The following PCDH15 variants were observed in gnomAD, a reference collection of about 807,000 sequenced individuals.
PCDH15 encodes the protein protocadherin-15.
In PCDH15, 129 loss-of-function variants were observed where a neutral mutation model predicts 178.5. That is an observed-to-expected ratio of 0.72 (90% CI 0.63 to 0.84). The LOEUF is 0.84. Among genes scored for constraint, PCDH15 ranks in the 40% least tolerant of loss-of-function variants. PCDH15 has a pLI of 0.00. For missense variants in PCDH15, 2,230 were observed against 2,099.9 expected (o/e 1.06, Z -1.21); for synonymous variants, 800 against 732.0 (o/e 1.09, Z -1.50).
chr10:54,728,555 T>A (rs1300923126), intron 1 of PCDH15, among the ~76,000 whole-genome samples: 1 of 151,138 alleles, frequency 6.6e-6, no homozygotes, highest in South Asian at 2.1e-4. Context: ...GTTTCACCAA[T>A]CCTGTTCAAC....
At chr10:55,547,075 T>C (rs1163804707) in intron 2 of PCDH15, among the ~76,000 whole-genome samples, 1 of 152,186 alleles carries the variant, frequency 6.6e-6, no homozygotes, top group Non-Finnish European at 1.5e-5. Context: ...AGAGGAGTTT[T>C]GCTCAGGCAG....
chr10:53,835,974 C>A (rs966920468), intron 29 of PCDH15, among the ~76,000 whole-genome samples: 2 of 152,106 alleles, frequency 1.3e-5, no homozygotes, highest in Non-Finnish European at 2.9e-5. Context: ...AACCCTTGTG[C>A]AATTCCCCAG....
chr10:54,758,981 A>T lies in PCDH15; in HGVS notation c.-29+41944T>A, dbSNP rs569194134. On this transcript the variant is annotated intron_variant, in intron 1 of 37. Coordinates refer to ENST00000644397, the MANE Select transcript of PCDH15 (RefSeq NM_001384140.1). Reference sequence around the variant, plus strand: ...CCTCTCATTTCCTGGTCTCCTACTGACTCGCCTCTTATCTCTATGGCATGT... The same window carrying T: ...CCTCTCATTTCCTGGTCTCCTACTGTCTCGCCTCTTATCTCTATGGCATGT... Among the ~76,000 whole-genome samples, 4 of 151,356 alleles carry T rather than the reference A, an allele frequency of 2.6e-5. No individual in the cohort carries two copies. In the East Asian group the frequency reaches 5.8e-4, roughly 22 times the overall value.
In PCDH15 at chr10:54,105,277, G is replaced by GAT. The variant is rs55696020; in HGVS notation, c.1918-15216_1918-15215dup. On this transcript the variant is annotated intron_variant, in intron 15 of 37. Coordinates refer to ENST00000644397, the MANE Select transcript of PCDH15 (RefSeq NM_001384140.1). ...ATATAGATATAGACATATAGATGGAGATATATATATATATATATATATATA... is the reference window on the plus strand; with the variant it reads ...ATATAGATATAGACATATAGATGGAGATATATATATATATATATATATATATA... 8.2e-3 allele frequency among the ~76,000 whole-genome samples: 737 copies of GAT among 90,356 alleles called. 3 individuals carry two copies. Among genetic ancestry groups the GAT allele is most frequent in the Middle Eastern group, 0.022 (2 of 92 alleles). 59.3% of individuals were successfully genotyped at this position (90,356 alleles called of 152,430 possible). A position where few individuals can be genotyped will look rare whatever the true frequency, so the allele number is the denominator to read the frequency against.
chr10:54,921,992 C>G (rs1004916247), intron 2 of PCDH15, among the ~76,000 whole-genome samples: 4 of 152,266 alleles, frequency 2.6e-5, no homozygotes, highest in Admixed American at 6.5e-5. Context: ...AAAACTCACT[C>G]ACTATCATGA....
rs181292663 is a variant in PCDH15 at position 54,814,536 on chromosome 10, T to C, written c.-29+82914A>G. Among the ~76,000 whole-genome samples, 181 of 152,284 alleles carry C rather than the reference T, an allele frequency of 1.2e-3. 2 individuals are homozygous for C. Among genetic ancestry groups the C allele is most frequent in the African/African-American group, 4.1e-3 (170 of 41,566 alleles). The stretch of plus-strand genomic sequence containing the variant: ...GCTGAGTTCAGAGAAGCTAAATATC[T>C]TGCAATTCCTTGTAGCTAATAAATA... On this transcript the variant is annotated intron_variant, in intron 3 of 5. Coordinates refer to the PCDH15 transcript ENST00000458638.
At chr10:55,326,565 TA>T (rs899628120) in intron 2 of PCDH15, among the ~76,000 whole-genome samples, 2 of 151,490 alleles carry the variant, frequency 1.3e-5, no homozygotes, top group Admixed American at 6.6e-5. Flanking sequence ...GACAGAATAT[TA>T]AAAAAAATGA....
chr10:54,955,072 T>C lies in PCDH15; in HGVS notation c.-79-57572A>G, dbSNP rs533137625. ...TAATATAATTCATTACGTTTGTTATTGTCCAATAGTGAATTGTTTTTTGCA... is the reference window on the plus strand; with the variant it reads ...TAATATAATTCATTACGTTTGTTATCGTCCAATAGTGAATTGTTTTTTGCA... On this transcript the variant is annotated intron_variant, in intron 2 of 5. Transcript: ENST00000458638. 1.9e-4 allele frequency among the ~76,000 whole-genome samples: 29 copies of C among 151,304 alleles called. No homozygotes were observed. The South Asian group carries it at 6.0e-3, about 31-fold the overall frequency.
chr10:55,359,590 T>A (rs1473982880), intron 2 of PCDH15, among the ~76,000 whole-genome samples: 1 of 151,494 alleles, frequency 6.6e-6, no homozygotes, highest in South Asian at 2.1e-4. Flanking sequence ...GGGAATAAAT[T>A]TAAAGGAAAT....
At chr10:55,582,185 T>TA (rs1355281356) in intron 2 of PCDH15, among the ~76,000 whole-genome samples, 2 of 152,188 alleles carry the variant, frequency 1.3e-5, no homozygotes, top group Non-Finnish European at 2.9e-5. Context: ...CGTGCTGTAC[T>TA]GTGCAACCAA....
chr10:53,999,257 C>T lies in PCDH15; in HGVS notation c.2752-3492G>A, dbSNP rs763839780. Reference sequence around the variant, plus strand: ...TATAATGCCTTGAGGTTTATGGAGCCGATACCTACTTTTACGTGGGTGTAT... The same window carrying T: ...TATAATGCCTTGAGGTTTATGGAGCTGATACCTACTTTTACGTGGGTGTAT... On this transcript the variant is annotated intron_variant, in intron 20 of 37. Transcript: ENST00000644397. Among the ~76,000 whole-genome samples, 71 of 151,940 alleles carry T rather than the reference C, an allele frequency of 4.7e-4. 2 individuals are homozygous for T. The highest frequency in any genetic ancestry group is 1.6e-4 in the Non-Finnish European group (11 of 67,998).
intron 2 of PCDH15, among the ~76,000 whole-genome samples, chr10:55,060,404 T>A (rs1231317398): frequency 1.3e-5 from 2 of 152,100 alleles, no homozygotes; most frequent in Admixed American, 1.3e-4. Context: ...ACTATCTGCA[T>A]AACCAAGTGC....
At chr10:54,197,661 A>G (rs2049811998) in intron 10 of PCDH15, among the ~76,000 whole-genome samples, 1 of 152,166 alleles carries the variant, frequency 6.6e-6, no homozygotes, top group South Asian at 2.1e-4. Context: ...TTTGGTCTCC[A>G]GAAGACAATT....
chr10:54,272,597 C>T (rs1363241565), intron 8 of PCDH15, among the ~76,000 whole-genome samples: 1 of 152,068 alleles, frequency 6.6e-6, no homozygotes, highest in African/African-American at 2.4e-5. Context: ...TGGAATACAA[C>T]ATTGAAACAA....
At chr10:54,921,817 G>T (rs1004968852) in intron 2 of PCDH15, among the ~76,000 whole-genome samples, 14 of 152,286 alleles carry the variant, frequency 9.2e-5, no homozygotes, top group Middle Eastern at 3.4e-3. Flanking sequence ...TTGATGCAAA[G>T]TTCCGCAGGC....
chr10:54,274,306 C>G (rs1564839743), intron 8 of PCDH15, among the ~76,000 whole-genome samples: 1 of 151,950 alleles, frequency 6.6e-6, no homozygotes, highest in Non-Finnish European at 1.5e-5. Flanking sequence ...ATGAATGAAG[C>G]CTGTCAGAAC....
chr10:55,249,896 T>A (rs927490292), intron 1 of PCDH15, among the ~76,000 whole-genome samples: 1 of 152,026 alleles, frequency 6.6e-6, no homozygotes, highest in Non-Finnish European at 1.5e-5. Flanking sequence ...AAAGAAAATT[T>A]CAGTTTATAT....
At chr10:55,287,833 A>T (rs899769782) in intron 1 of PCDH15, among the ~76,000 whole-genome samples, 8 of 151,972 alleles carry the variant, frequency 5.3e-5, no homozygotes, top group African/African-American at 1.7e-4. Context: ...AATCTCAGAG[A>T]CCACATATCT....
Position 55,312,284 on chromosome 10 carries a change from A to C in PCDH15, c.-156+7315T>G, listed in dbSNP as rs530107515. On this transcript the variant is annotated intron_variant, in intron 1 of 5. Transcript: ENST00000458638. The stretch of plus-strand genomic sequence containing the variant: ...TTTCTGTTGTAAGGTAAAAAATGCT[A>C]TATGAATGCAATGGTAAAGGGTATC... Among the ~76,000 whole-genome samples, 309 of 152,278 alleles carry C rather than the reference A, an allele frequency of 2.0e-3. 1 individual carries two copies. Among genetic ancestry groups the C allele is most frequent in the African/African-American group, 7.2e-3 (301 of 41,556 alleles).
Sources: allele counts gnomAD v4.1 joint callset (sites outside exome capture counted in the v4.1 genomes callset), GRCh38; gene constraint gnomAD v4.1.1; transcripts MANE v1.5; gene names NCBI Gene and HGNC (gene_info 2026-07-23, HGNC 2026-07-21).